The following DEFB1 variants were observed in gnomAD, a reference collection of about 807,000 sequenced individuals.
The protein encoded by DEFB1 is defensin beta 1.
Under a neutral mutation model 2.6 loss-of-function variants are expected in DEFB1, and 4 were observed. The ratio of observed to expected loss-of-function variants is 1.53; its 90% confidence interval spans 0.76 to 3.51. The LOEUF is 3.51. Among genes scored for constraint, DEFB1 ranks in the 30% most tolerant of loss-of-function variants. The pLI, the probability that DEFB1 is intolerant of heterozygous loss-of-function variation, is 0.01. For synonymous variants in DEFB1, 56 were observed against 28.5 expected, an observed-to-expected ratio of 1.96 and a Z score of -3.07; for missense variants, 162 against 76.9, an observed-to-expected ratio of 2.11 and a Z score of -4.14.
intron 1 of DEFB1, among the ~76,000 whole-genome samples, chr8:6,871,532 G>C (rs1806314512): frequency 6.6e-6 from 1 of 152,186 alleles, no homozygotes; most frequent in South Asian, 2.1e-4. Context: ...TCCACTGGTA[G>C]GCGTTTTGGA....
rs775724317 is a variant in DEFB1 at position 6,870,717 on chromosome 8, G to T, written c.171C>A (p.Gly57=). Residue 57 remains glycine, a synonymous_variant, in exon 2 of 2, where the codon GGC becomes GGA. Transcript: ENST00000297439. ...ACTTGGCCTTCCCTCTGTAACAGGT[G>T]CCTTGAATTTTGGTAAAGATCGGGC... is the stretch of plus-strand genomic sequence containing the variant. The part of the protein sequence containing the change: ...SACPIFTKIQ[G]TCYRGKAKCC... 7.4e-6 allele frequency: 12 copies of T among 1,614,212 alleles called. No homozygotes were observed. The South Asian group carries it at 1.3e-4, about 18-fold the overall frequency.
At chr8:6,876,445 C>G (rs949253536) in intron 1 of DEFB1, among the ~76,000 whole-genome samples, 2 of 151,726 alleles carry the variant, frequency 1.3e-5, no homozygotes, top group Non-Finnish European at 1.5e-5. Context: ...CCATTGCACT[C>G]CAGCCTGGGT....
In DEFB1 at chr8:6,877,925, T is replaced by A; in HGVS notation, c.-68A>T. 1 of 1,432,146 alleles carries A rather than the reference T, an allele frequency of 7.0e-7. No individual in the cohort carries two copies. The highest frequency in any genetic ancestry group is 1.1e-5 in the South Asian group (1 of 86,970). 88.7% of individuals were successfully genotyped at this position (1,432,146 alleles called of 1,614,324 possible). A position where few individuals can be genotyped will look rare whatever the true frequency, so the allele number is the denominator to read the frequency against. ...ACGCTGGCTCCTTTGGAGGCTGAGCTGACAGAGGCTTCCAGAGGCTGGAGC... is the reference window on the plus strand; with the variant it reads ...ACGCTGGCTCCTTTGGAGGCTGAGCAGACAGAGGCTTCCAGAGGCTGGAGC... On this transcript the variant is annotated 5_prime_UTR_variant, in exon 1 of 2. Coordinates refer to ENST00000297439, the MANE Select transcript of DEFB1 (RefSeq NM_005218.4).
At chr8:6,873,498 T>C (rs1806398724) in intron 1 of DEFB1, among the ~76,000 whole-genome samples, 1 of 152,170 alleles carries the variant, frequency 6.6e-6, no homozygotes, top group African/African-American at 2.4e-5. Flanking sequence ...GCTTCTCAAA[T>C]TTAAAACGGA....
At position 6,873,684 on chromosome 8, in the gene DEFB1, G is replaced by T. The variant is rs554796981; in HGVS notation, c.62-2858C>A. Among the ~76,000 whole-genome samples the T allele has an allele frequency of 2.7e-4, 41 of 152,220 alleles. No individual in the cohort carries two copies. The South Asian group carries it at 7.9e-3, about 29-fold the overall frequency. On this transcript the variant is annotated intron_variant, in intron 1 of 1. Coordinates refer to ENST00000297439, the MANE Select transcript of DEFB1 (RefSeq NM_005218.4). ...CACTGGGGGCTACTAGAGGGGAAAG[G>T]AGGCAGAGGAGTGTGGAAAACTAAC...
At chr8:6,873,170 C>T (rs1445461273) in intron 1 of DEFB1, among the ~76,000 whole-genome samples, 2 of 152,144 alleles carry the variant, frequency 1.3e-5, no homozygotes, top group Non-Finnish European at 2.9e-5. Flanking sequence ...TTTCTGTGAT[C>T]CTCTCCCCAG....
chr8:6,875,095 C>T (rs1306853120), intron 1 of DEFB1, among the ~76,000 whole-genome samples: 3 of 151,530 alleles, frequency 2.0e-5, no homozygotes, highest in Non-Finnish European at 4.4e-5. Flanking sequence ...CACACACACA[C>T]ACACACACAC....
chr8:6,872,928 C>A (rs5743478), intron 1 of DEFB1, among the ~76,000 whole-genome samples: 1 of 152,110 alleles, frequency 6.6e-6, no homozygotes, highest in African/African-American at 2.4e-5. Context: ...ACCCACACTG[C>A]GAAAGATGGA....
chr8:6,874,118 TACACACACAC>T (rs756827017), intron 1 of DEFB1, among the ~76,000 whole-genome samples: 2 of 120,232 alleles, frequency 1.7e-5, no homozygotes. Flanking sequence ...ATATCTGACA[TACACACACAC>T]ACACACACAC....
At chr8:6,875,063 GCCACACAC>G (rs1421140521) in intron 1 of DEFB1, among the ~76,000 whole-genome samples, 1 of 95,786 alleles carries the variant, frequency 1.0e-5, no homozygotes, top group Non-Finnish European at 2.0e-5. Flanking sequence ...TCATACCGAA[GCCACACAC>G]ACACACACAC....
chr8:6,870,750 A>G lies in DEFB1; in HGVS notation c.138T>C (p.Tyr46=), dbSNP rs1215544381. The change falls in exon 2 of 2, where the codon TAT becomes TAC. Residue 46 remains tyrosine, a synonymous_variant. Transcript: ENST00000297439. ...TTTTGGTAAAGATCGGGCAGGCAGAATAGAGACATTGCCCTCCACTGCTGA... is the reference window on the plus strand; with the variant it reads ...TTTTGGTAAAGATCGGGCAGGCAGAGTAGAGACATTGCCCTCCACTGCTGA... ...NCVSSGGQCL[Y]SACPIFTKIQ... The G allele has an allele frequency of 2.0e-5, 32 of 1,614,122 alleles. No individual in the cohort carries two copies. The highest frequency in any genetic ancestry group is 4.0e-5 in the African/African-American group (3 of 74,944).
At chr8:6,870,864 T>C in intron 1 of DEFB1, 38 bp from the exon 2 acceptor site, 1 of 1,571,936 alleles carries the variant, frequency 6.4e-7, no homozygotes, top group Non-Finnish European at 8.6e-7. Context: ...GACTCATGGC[T>C]TGTAGCTGCA....
chr8:6,875,848 T>C (rs1412931273), intron 1 of DEFB1, among the ~76,000 whole-genome samples: 1 of 133,144 alleles, frequency 7.5e-6, no homozygotes, highest in Admixed American at 7.8e-5. Context: ...ACCTGAATAT[T>C]AATTAGTGTG....
Position 6,870,632 on chromosome 8 carries a change from A to T in DEFB1, c.*49T>A. The T allele has an allele frequency of 1.3e-6, 2 of 1,585,564 alleles. No homozygotes were observed. Among genetic ancestry groups the T allele is most frequent in the South Asian group, 1.2e-5 (1 of 85,660 alleles). On this transcript the variant is annotated 3_prime_UTR_variant, in exon 2 of 2. Coordinates refer to ENST00000297439, the MANE Select transcript of DEFB1 (RefSeq NM_005218.4). Reference sequence around the variant, plus strand: ...ATTTTCCTTTATTAAAAGAATGCTTATAAAAAGTTCATTTCACTTCTGCGT... The same window carrying T: ...ATTTTCCTTTATTAAAAGAATGCTTTTAAAAAGTTCATTTCACTTCTGCGT...
chr8:6,877,791 G>C lies in DEFB1; in HGVS notation c.61+6C>G, dbSNP rs373063416. 2 of 1,613,164 alleles carry C rather than the reference G, an allele frequency of 1.2e-6. No individual in the cohort carries two copies. Among genetic ancestry groups the C allele is most frequent in the Admixed American group, 1.7e-5 (1 of 60,008 alleles). On this transcript the variant is annotated splice_donor_region_variant and intron_variant, in intron 1 of 1. Transcript: ENST00000297439. ...ATGGGAAACTCTTGCAGGTACCAGA[G>C]CTTACCTGAGGCCATCTCAGACAAA...
intron 1 of DEFB1, among the ~76,000 whole-genome samples, chr8:6,876,242 G>A (rs970898023): frequency 8.5e-5 from 13 of 152,142 alleles, no homozygotes; most frequent in East Asian, 3.9e-4. Flanking sequence ...TTTGGGAGGC[G>A]GAGGCAGGCG....
intron 1 of DEFB1, among the ~76,000 whole-genome samples, chr8:6,877,372 G>A (rs572517925): frequency 8.5e-5 from 13 of 152,334 alleles, no homozygotes; most frequent in South Asian, 4.1e-4. Context: ...TGGGTGGGGC[G>A]GCAGCACCTC....
chr8:6,876,347 GCA>G (rs1453199879), intron 1 of DEFB1, among the ~76,000 whole-genome samples: 19 of 152,020 alleles, frequency 1.2e-4, no homozygotes, highest in South Asian at 2.1e-4. Context: ...TTGGTGGCAT[GCA>G]CCTGTAATCC....
intron 1 of DEFB1, among the ~76,000 whole-genome samples, chr8:6,873,688 C>T (rs1806408958): frequency 6.6e-6 from 1 of 152,098 alleles, no homozygotes; most frequent in African/African-American, 2.4e-5. Flanking sequence ...GGAAAGGAGG[C>T]AGAGGAGTGT....
Sources: allele counts gnomAD v4.1 joint callset (sites outside exome capture counted in the v4.1 genomes callset), GRCh38; gene constraint gnomAD v4.1.1; transcripts MANE v1.5; gene names NCBI Gene and HGNC (gene_info 2026-07-23, HGNC 2026-07-21).